The following ACKR1 variants were observed in gnomAD, a reference collection of about 807,000 sequenced individuals.
The protein encoded by ACKR1 is atypical chemokine receptor 1.
A neutral mutation model predicts 2.5 loss-of-function variants in ACKR1; 3 were observed. That is an observed-to-expected ratio of 1.18 (90% CI 0.54 to 3.06). The LOEUF (loss-of-function observed/expected upper bound fraction) is 3.06. Among genes scored for constraint, ACKR1 ranks in the 30% most tolerant of loss-of-function variants. The pLI is 0.03. For missense variants in ACKR1, 438 were observed against 395.2 expected (o/e 1.11, Z -0.92); for synonymous variants, 208 against 178.2 (o/e 1.17, Z -1.33).
At chr1:159,205,322 C>A in intron 1 of ACKR1, 139 bp from the exon 2 acceptor site, 1 of 1,056,156 alleles carries the variant, frequency 9.5e-7, no homozygotes, top group African/African-American at 1.6e-5. Flanking sequence ...TTTCCACTGT[C>A]CGCACTGCAT....
intron 1 of ACKR1, 96 bp downstream of exon 1, chr1:159,205,076 C>A: frequency 7.2e-7 from 1 of 1,394,066 alleles, no homozygotes; most frequent in Non-Finnish European, 9.8e-7. Context: ...CCTTTTCCTC[C>A]TCATCTTTTC....
At chr1:159,205,072 C>A in intron 1 of ACKR1, 92 bp downstream of exon 1, 1 of 1,430,816 alleles carries the variant, frequency 7.0e-7, no homozygotes, top group Non-Finnish European at 9.5e-7. Flanking sequence ...TCTTCCTTTT[C>A]CTCCTCATCT....
chr1:159,205,361 A>C, intron 1 of ACKR1, 100 bp from the exon 2 acceptor site: 2 of 1,454,966 alleles, frequency 1.4e-6, no homozygotes, highest in Non-Finnish European at 9.3e-7. Context: ...TTGTTCTCCC[A>C]CCCGACCTTC....
At position 159,206,132 on chromosome 1, in the gene ACKR1, G is replaced by T. The variant is rs754809849; in HGVS notation, c.693G>T (p.Leu231=). ...LPLGLFGAKG[L]KKALGMGPGP... is the part of the protein sequence containing the mutation. Reference sequence around the variant, plus strand: ...TGGGTTTGTTTGGAGCCAAGGGGCTGAAGAAGGCATTGGGTATGGGGCCAG... The same window carrying T: ...TGGGTTTGTTTGGAGCCAAGGGGCTTAAGAAGGCATTGGGTATGGGGCCAG... The change falls in exon 2 of 2, where the codon CTG becomes CTT. Residue 231 remains leucine (L), a synonymous_variant. Coordinates refer to ENST00000368122, the MANE Select transcript of ACKR1 (RefSeq NM_002036.4). The T allele has an allele frequency of 3.1e-6, 5 of 1,614,126 alleles. No homozygotes were observed. Among genetic ancestry groups the T allele is most frequent in the Non-Finnish European group, 4.2e-6 (5 of 1,180,052 alleles).
At position 159,205,847 on chromosome 1, in the gene ACKR1, G is replaced by A. The variant is rs1650428785; in HGVS notation, c.408G>A (p.Trp136Ter). Residue 136 changes from tryptophan to a stop codon, truncating the protein, a stop_gained, in exon 2 of 2, where the codon TGG (tryptophan) becomes TGA (stop). Transcript: ENST00000368122. LOFTEE classifies it low-confidence loss of function (END_TRUNC). ...SALCSLGYCV[W>*]YGSAFAQALL... is the part of the protein sequence containing the mutation. ...TGTGTAGCCTGGGCTACTGTGTCTGGTATGGCTCAGCCTTTGCCCAGGCTT... is the reference window on the plus strand; with the variant it reads ...TGTGTAGCCTGGGCTACTGTGTCTGATATGGCTCAGCCTTTGCCCAGGCTT... 1 of 1,614,004 alleles carries A rather than the reference G, an allele frequency of 6.2e-7. No homozygotes were observed. The highest frequency in any genetic ancestry group is 1.7e-5 in the Admixed American group (1 of 60,010).
In ACKR1 at chr1:159,205,882, G is replaced by T; in HGVS notation, c.443G>T (p.Gly148Val). The T allele has an allele frequency of 6.2e-7, 1 of 1,614,006 alleles. No individual in the cohort carries two copies. The change falls in exon 2 of 2, where the codon GGG becomes GTG. Residue 148 changes from glycine to valine, a missense_variant. By Grantham distance (109) the Gly-to-Val change is moderately radical. Coordinates refer to ENST00000368122, the MANE Select transcript of ACKR1 (RefSeq NM_002036.4). ...GCCTTTGCCCAGGCTTTGCTGCTAGGGTGCCATGCCTCCCTGGGCCACAGA... is the reference window on the plus strand; with the variant it reads ...GCCTTTGCCCAGGCTTTGCTGCTAGTGTGCCATGCCTCCCTGGGCCACAGA... ...GSAFAQALLLGCHASLGHRLG... is the reference protein window; with the variant it reads ...GSAFAQALLLVCHASLGHRLG...
rs1025367698 is a variant in ACKR1, at chr1:159,204,999, C to T, written c.21+19C>T. ...GCACAGGGTGAGTATGGGGCCAGGC[C>T]CCAGAGTCCCTTATCCCTATGCCCC... On this transcript the variant is annotated intron_variant, in intron 1 of 1. Coordinates refer to ENST00000368122, the MANE Select transcript of ACKR1 (RefSeq NM_002036.4). 2.5e-6 allele frequency: 4 copies of T among 1,613,202 alleles called. No individual in the cohort carries two copies. In the East Asian group the frequency reaches 8.9e-5, roughly 36 times the overall value.
In ACKR1 at chr1:159,205,764, T is replaced by C. The variant is rs1279620453; in HGVS notation, c.325T>C (p.Phe109Leu). The C allele has an allele frequency of 6.2e-7, 1 of 1,613,958 alleles. No homozygotes were observed. The highest frequency in any genetic ancestry group is 1.1e-5 in the South Asian group (1 of 91,074). ...ACAGCTGGCTGTGGGCAGTGCCCTC[T>C]TCAGCATTGTGGTGCCCGTCTTGGC... The part of the protein sequence containing the change: ...LAQLAVGSAL[F>L]SIVVPVLAPG... Residue 109 changes from phenylalanine (F) to leucine (L), a missense_variant, in exon 2 of 2, where the codon TTC becomes CTC. Coordinates refer to ENST00000368122, the MANE Select transcript of ACKR1 (RefSeq NM_002036.4).
chr1:159,205,700 CT>C lies in ACKR1; in HGVS notation c.263del (p.Phe88SerfsTer33), dbSNP rs1319167975. On this transcript the variant is annotated frameshift_variant, in exon 2 of 2. Coordinates refer to ENST00000368122, the MANE Select transcript of ACKR1 (RefSeq NM_002036.4). LOFTEE classifies it low-confidence loss of function (END_TRUNC). ...TVLFMLFRPL[F>X]RWQLCPGWPV... is the part of the protein sequence containing the mutation. ...TCCTCTTCATGCTTTTCAGACCTCT[CT>C]TCCGCTGGCAGCTCTGCCCTGGCTG... 1.2e-6 allele frequency: 2 copies of C among 1,614,234 alleles called. No individual in the cohort carries two copies. The highest frequency in any genetic ancestry group is 1.7e-6 in the Non-Finnish European group (2 of 1,180,048).
Position 159,205,535 on chromosome 1 carries a change from GA to G in ACKR1, c.98del (p.Asn33MetfsTer42). The G allele has an allele frequency of 6.2e-7, 1 of 1,614,224 alleles. No homozygotes were observed. The highest frequency in any genetic ancestry group is 1.7e-5 in the Admixed American group (1 of 60,036). On this transcript the variant is annotated frameshift_variant, in exon 2 of 2. Coordinates refer to ENST00000368122, the MANE Select transcript of ACKR1 (RefSeq NM_002036.4). LOFTEE classifies it low-confidence loss of function (END_TRUNC). ...EDVWNSSYGV[N>X]DSFPDGDYGA... ...ATGTATGGAATTCTTCCTATGGTGTGAATGATTCCTTCCCAGATGGAGACTA... is the reference window on the plus strand; with the variant it reads ...ATGTATGGAATTCTTCCTATGGTGTGATGATTCCTTCCCAGATGGAGACTA...
chr1:159,205,309 C>G, intron 1 of ACKR1, 152 bp from the exon 2 acceptor site: 1 of 972,768 alleles, frequency 1.0e-6, no homozygotes. Context: ...CCTGCTTTGT[C>G]CTTTTCCACT....
In ACKR1 at chr1:159,205,632, T is replaced by C. The variant is rs763067781; in HGVS notation, c.193T>C (p.Phe65Leu). The C allele has an allele frequency of 6.2e-6, 10 of 1,614,082 alleles. No homozygotes were observed. The highest frequency in any genetic ancestry group is 1.3e-5 in the African/African-American group (1 of 74,940). ...NLLDDSALPF[F>L]ILTSVLGILA... Reference sequence around the variant, plus strand: ...GCTGGATGACTCTGCACTGCCCTTCTTCATCCTCACCAGTGTCCTGGGTAT... The same window carrying C: ...GCTGGATGACTCTGCACTGCCCTTCCTCATCCTCACCAGTGTCCTGGGTAT... Residue 65 changes from phenylalanine to leucine, a missense_variant, in exon 2 of 2, where the codon TTC becomes CTC. Physicochemically the swap from Phe to Leu is conservative, Grantham distance 22. Coordinates refer to ENST00000368122, the MANE Select transcript of ACKR1 (RefSeq NM_002036.4).
Position 159,205,484 on chromosome 1 carries a change from G to A in ACKR1, c.45G>A (p.Glu15=). ...LHRAELSPST[E]NSSQLDFEDV... ...AGGCGGAGCTCTCCCCCTCAACTGA[G>A]AACTCAAGTCAGCTGGACTTCGAAG... Residue 15 remains glutamate, a synonymous_variant, in exon 2 of 2, where the codon GAG becomes GAA. Coordinates refer to ENST00000368122, the MANE Select transcript of ACKR1 (RefSeq NM_002036.4). 6.2e-7 allele frequency: 1 copy of A among 1,612,744 alleles called. No individual in the cohort carries two copies. Among genetic ancestry groups the A allele is most frequent in the Non-Finnish European group, 8.5e-7 (1 of 1,179,156 alleles).
In ACKR1 at chr1:159,205,705, G is replaced by T; in HGVS notation, c.266G>T (p.Arg89Leu). Residue 89 changes from arginine to leucine, a missense_variant, in exon 2 of 2, where the codon CGC becomes CTC. By Grantham distance (102) the Arg-to-Leu change is moderately radical. Transcript: ENST00000368122. Reference sequence around the variant, plus strand: ...TTCATGCTTTTCAGACCTCTCTTCCGCTGGCAGCTCTGCCCTGGCTGGCCT... The same window carrying T: ...TTCATGCTTTTCAGACCTCTCTTCCTCTGGCAGCTCTGCCCTGGCTGGCCT... ...VLFMLFRPLF[R>L]WQLCPGWPVL... 4.3e-6 allele frequency: 7 copies of T among 1,614,128 alleles called. No homozygotes were observed. The highest frequency in any genetic ancestry group is 5.9e-6 in the Non-Finnish European group (7 of 1,180,026).
rs200782278 is a variant in ACKR1 at position 159,204,953 on chromosome 1, C to T, written c.-7C>T. On this transcript the variant is annotated 5_prime_UTR_variant, in exon 1 of 2. It adds an upstream start codon to the 5' untranslated region. Coordinates refer to ENST00000368122, the MANE Select transcript of ACKR1 (RefSeq NM_002036.4). ...CTTCTGTCTGCGGGCCTGAACCAAACGGTGCCATGGGGAACTGTCTGCACA... is the reference window on the plus strand; with the variant it reads ...CTTCTGTCTGCGGGCCTGAACCAAATGGTGCCATGGGGAACTGTCTGCACA... 6.8e-6 allele frequency: 11 copies of T among 1,614,194 alleles called. No homozygotes were observed. The highest frequency in any genetic ancestry group is 2.2e-5 in the East Asian group (1 of 44,862).
rs17851570 is a variant in ACKR1 at position 159,206,416 on chromosome 1, C to T, written c.977C>T (p.Ser326Phe). 2.0e-3 allele frequency: 3,237 copies of T among 1,613,996 alleles called. 10 individuals are homozygous for T. Among genetic ancestry groups the T allele is most frequent in the Non-Finnish European group, 2.3e-3 (2,765 of 1,179,888 alleles). ...LPSLPLPEGW[S>F]SHLDTLGSKS ...TCTCTGCCCCTCCCTGAAGGATGGT[C>T]TTCTCATCTGGACACCCTTGGAAGC... The change falls in exon 2 of 2, where the codon TCT becomes TTT. Residue 326 changes from serine to phenylalanine, a missense_variant. Physicochemically the swap from Ser to Phe is radical, Grantham distance 155 (BLOSUM62 -2). Coordinates refer to ENST00000368122, the MANE Select transcript of ACKR1 (RefSeq NM_002036.4).
Position 159,205,992 on chromosome 1 carries a change from AC to A in ACKR1, c.556del (p.Leu186TrpfsTer12), listed in dbSNP as rs1427657381. 6.2e-7 allele frequency: 1 copy of A among 1,614,082 alleles called. No homozygotes were observed. The highest frequency in any genetic ancestry group is 2.2e-5 in the East Asian group (1 of 44,878). The stretch of plus-strand genomic sequence containing the variant: ...GGCTGCCCTACTGACACTGCCTGTC[AC>A]CCTGGCCAGTGGTGCTTCTGGTGGA... Reference protein sequence around the residue: ...GVAALLTLPVTLASGASGGLC... With the variant: ...GVAALLTLPVXLASGASGGLC... On this transcript the variant is annotated frameshift_variant, in exon 2 of 2. Coordinates refer to ENST00000368122, the MANE Select transcript of ACKR1 (RefSeq NM_002036.4). LOFTEE classifies it low-confidence loss of function (END_TRUNC).
At position 159,205,457 on chromosome 1, in the gene ACKR1, C is replaced by T. The variant is rs760888677; in HGVS notation, c.22-4C>T. The T allele has an allele frequency of 6.2e-7, 1 of 1,604,488 alleles. No individual in the cohort carries two copies. The highest frequency in any genetic ancestry group is 8.5e-7 in the Non-Finnish European group (1 of 1,174,556). ...TGATGGCCTCCTCTGGGTATGTCCT[C>T]CAGGCGGAGCTCTCCCCCTCAACTG... On this transcript the variant is annotated splice_polypyrimidine_tract_variant and splice_region_variant and intron_variant, in intron 1 of 1. Coordinates refer to ENST00000368122, the MANE Select transcript of ACKR1 (RefSeq NM_002036.4).
rs1160650754 is a variant in ACKR1, at chr1:159,205,482, G to A, written c.43G>A (p.Glu15Lys). ...CCAGGCGGAGCTCTCCCCCTCAACT[G>A]AGAACTCAAGTCAGCTGGACTTCGA... ...LHRAELSPST[E>K]NSSQLDFEDV... The change falls in exon 2 of 2, where the codon GAG becomes AAG. Residue 15 changes from glutamate to lysine, a missense_variant. By Grantham distance (56) the Glu-to-Lys change is moderately conservative. Transcript: ENST00000368122. The A allele has an allele frequency of 1.9e-6, 3 of 1,612,394 alleles. No individual in the cohort carries two copies. The highest frequency in any genetic ancestry group is 2.7e-5 in the African/African-American group (2 of 74,920).
Sources: allele counts gnomAD v4.1 joint callset, GRCh38; gene constraint gnomAD v4.1.1; transcripts MANE v1.5; gene names NCBI Gene and HGNC (gene_info 2026-07-23, HGNC 2026-07-21).